Variants in PDE4D observed in about 807,000 individuals in gnomAD.
The protein encoded by PDE4D is phosphodiesterase 4D.
In PDE4D, 24 loss-of-function variants were observed where a neutral mutation model predicts 87.4. The ratio of observed to expected loss-of-function variants is 0.27; its 90% CI spans 0.20 to 0.39. The LOEUF (loss-of-function observed/expected upper bound fraction) is 0.39. Among genes scored for constraint, PDE4D ranks in the 10% least tolerant of loss-of-function variants. The pLI is 1.00. For synonymous variants in PDE4D, 384 were observed against 383.2 expected (o/e 1.00, Z -0.02); for missense variants, 714 against 1,041.0 (o/e 0.69, Z 4.32).
At chr5:59,741,386 C>A (rs1758812338) in intron 1 of PDE4D, among the ~76,000 whole-genome samples, 1 of 151,884 alleles carries the variant, frequency 6.6e-6, no homozygotes, top group Admixed American at 6.6e-5. Context: ...GTCAATAAGC[C>A]CAGTTTTTAA....
At position 59,750,084 on chromosome 5, in the gene PDE4D, C is replaced by CTTTT. The variant is rs35243469; in HGVS notation, c.455+143080_455+143083dup. On this transcript the variant is annotated intron_variant, in intron 1 of 14. Coordinates refer to ENST00000340635, the MANE Select transcript of PDE4D (RefSeq NM_001104631.2). ...TTCAAATGGTAGACAGAATTATGAC[C>CTTTT]TTTTTTTTTTTTTTTTTTTTAACTA... is the stretch of plus-strand genomic sequence containing the variant. Among the ~76,000 whole-genome samples the CTTTT allele has an allele frequency of 3.3e-3, 440 of 131,394 alleles. 6 individuals are homozygous for CTTTT. The highest frequency in any genetic ancestry group is 0.012 in the African/African-American group (410 of 34,956). The allele number at this position is 131,394 out of a possible 152,430, so 86.2% of individuals were successfully genotyped here. A position where few individuals can be genotyped will look rare whatever the true frequency, so the allele number is the denominator to read the frequency against.
intron 3 of PDE4D, among the ~76,000 whole-genome samples, chr5:59,978,356 G>A (rs1021429799): frequency 6.6e-6 from 1 of 152,154 alleles, no homozygotes; most frequent in Non-Finnish European, 1.5e-5. Context: ...GGAAGAAATT[G>A]ATTCCAACCC....
intron 1 of PDE4D, among the ~76,000 whole-genome samples, chr5:59,502,756 T>C (rs1266379854): frequency 2.0e-5 from 3 of 151,422 alleles, no homozygotes; most frequent in Admixed American, 6.6e-5. Context: ...TTAGGGAATA[T>C]TGCAAGAATT....
intron 1 of PDE4D, among the ~76,000 whole-genome samples, chr5:59,841,048 C>T (rs969842588): frequency 6.6e-6 from 1 of 152,044 alleles, no homozygotes; most frequent in Non-Finnish European, 1.5e-5. Context: ...TTGTCTCTTA[C>T]TCATTTTCAA....
At chr5:59,476,573 C>A (rs1272618964) in intron 1 of PDE4D, among the ~76,000 whole-genome samples, 6 of 152,068 alleles carry the variant, frequency 3.9e-5, no homozygotes. Context: ...TGTAATTATT[C>A]TCTCCTGGCA....
chr5:60,068,740 G>A (rs1772393199), intron 2 of PDE4D, among the ~76,000 whole-genome samples: 1 of 152,080 alleles, frequency 6.6e-6, no homozygotes, highest in Non-Finnish European at 1.5e-5. Context: ...GGTACTACAG[G>A]TGTGAGCCTA....
chr5:59,509,296 A>G (rs1193862237), intron 1 of PDE4D, among the ~76,000 whole-genome samples: 1 of 151,902 alleles, frequency 6.6e-6, no homozygotes, highest in Admixed American at 6.6e-5. Context: ...CAACAAAACT[A>G]CCTTCCAAGT....
chr5:59,495,797 C>G (rs796502668), intron 1 of PDE4D, among the ~76,000 whole-genome samples: 2 of 152,240 alleles, frequency 1.3e-5, no homozygotes, highest in African/African-American at 4.8e-5. Context: ...TTCTTCAGTG[C>G]CCTGCTGCTC....
In PDE4D at chr5:60,302,289, A is replaced by G. The variant is rs975946959; in HGVS notation, c.-89-116602T>C. Among the ~76,000 whole-genome samples the G allele has an allele frequency of 3.3e-5, 5 of 152,166 alleles. No homozygotes were observed. In the East Asian group the frequency reaches 5.8e-4, roughly 18 times the overall value. ...TCTGGTAGAATTCAGCTGTTAATCC[A>G]TCTAGTCCAGGGCTTTTTTTGGTTA... is the stretch of plus-strand genomic sequence containing the variant. On this transcript the variant is annotated intron_variant, in intron 1 of 16. Transcript: ENST00000502484.
chr5:59,799,841 TTACTTCGAGA>T (rs1237095006), intron 1 of PDE4D, among the ~76,000 whole-genome samples: 1 of 152,176 alleles, frequency 6.6e-6, no homozygotes, highest in Admixed American at 6.5e-5. Context: ...ACTCTGAAAT[TTACTTCGAGA>T]TACAAATCTT....
intron 1 of PDE4D, among the ~76,000 whole-genome samples, chr5:59,867,099 C>G (rs1747146956): frequency 6.6e-6 from 1 of 151,720 alleles, no homozygotes. Flanking sequence ...TATCTGGGAG[C>G]CTAAAGATGA....
chr5:59,718,493 C>T (rs540596167), intron 1 of PDE4D, among the ~76,000 whole-genome samples: 57 of 152,266 alleles, frequency 3.7e-4, no homozygotes, highest in African/African-American at 1.3e-3. Flanking sequence ...TGAAGGCATA[C>T]ATGAAAAATT....
chr5:59,293,709 C>T (rs1255812821), intron 1 of PDE4D, among the ~76,000 whole-genome samples: 1 of 152,142 alleles, frequency 6.6e-6, no homozygotes, highest in Non-Finnish European at 1.5e-5. Context: ...AATAACAAGG[C>T]CTCAGTAATG....
intron 3 of PDE4D, among the ~76,000 whole-genome samples, chr5:59,914,514 A>G (rs1753786200): frequency 6.6e-6 from 1 of 151,458 alleles, no homozygotes. Context: ...AGAGATCAGA[A>G]AAGACAAAGC....
intron 1 of PDE4D, among the ~76,000 whole-genome samples, chr5:60,355,425 G>T (rs1041822274): frequency 1.3e-5 from 2 of 152,134 alleles, no homozygotes; most frequent in Admixed American, 1.3e-4. Context: ...ATGTACACCT[G>T]GATATCAAAC....
At chr5:60,285,569 T>C (rs1392063910) in intron 1 of PDE4D, among the ~76,000 whole-genome samples, 1 of 151,936 alleles carries the variant, frequency 6.6e-6, no homozygotes, top group Non-Finnish European at 1.5e-5. Context: ...ACGAATCTGT[T>C]TGGGAGTTGA....
chr5:60,273,923 G>A (rs1392558627), intron 1 of PDE4D, among the ~76,000 whole-genome samples: 3 of 152,240 alleles, frequency 2.0e-5, no homozygotes, highest in East Asian at 3.9e-4. Context: ...CAATACATGA[G>A]TGTTTCTTGG....
chr5:59,148,987 G>A (rs1484027203), intron 5 of PDE4D, among the ~76,000 whole-genome samples: 4 of 152,086 alleles, frequency 2.6e-5, no homozygotes, highest in Non-Finnish European at 5.9e-5. Flanking sequence ...TGGGTGTCAG[G>A]ATAGGAATAG....
intron 2 of PDE4D, among the ~76,000 whole-genome samples, chr5:60,159,364 G>A (rs1469540145): frequency 1.3e-5 from 2 of 152,004 alleles, no homozygotes; most frequent in Admixed American, 1.3e-4. Context: ...AAAAAGTATA[G>A]TATAGTAAAT....
Sources: gnomAD v4.1 joint callset for allele counts (sites outside exome capture counted in the v4.1 genomes callset) on GRCh38, gnomAD v4.1.1 for gene constraint, MANE v1.5 for transcripts, NCBI Gene and HGNC (gene_info 2026-07-23, HGNC 2026-07-21) for gene names.